The following PHF3 variants were observed in gnomAD, a reference collection of about 807,000 sequenced individuals.
The protein encoded by PHF3 is PHD finger protein 3.
PHF3 carries 41 observed loss-of-function variants against 178.4 expected under a neutral mutation model. The ratio of observed to expected loss-of-function variants is 0.23; its 90% CI spans 0.18 to 0.30. The LOEUF (loss-of-function observed/expected upper bound fraction) is 0.30. Ranked by LOEUF, PHF3 falls within the 10% of genes least tolerant of loss-of-function variation. The probability of loss-of-function intolerance (pLI) is 1.00; values close to 1 mark genes in which losing one functional copy is unlikely to be tolerated. For synonymous variants in PHF3, 842 were observed against 800.5 expected (o/e 1.05, Z -0.88); for missense variants, 2,346 against 2,398.1 (o/e 0.98, Z 0.45).
In PHF3 at chr6:63,679,950, T is replaced by G. The variant is rs766250928; in HGVS notation, c.245-50T>G. 6.8e-6 allele frequency: 10 copies of G among 1,474,644 alleles called. No homozygotes were observed. In the African/African-American group the frequency reaches 1.4e-4, roughly 20 times the overall value. 91.3% of individuals were successfully genotyped at this position (1,474,644 alleles called of 1,614,324 possible). Reference sequence around the variant, plus strand: ...ATTTTCTGTACTGCCTTTAATTGCCTAACATTCCCAATATTTTTAAAAGTT... The same window carrying G: ...ATTTTCTGTACTGCCTTTAATTGCCGAACATTCCCAATATTTTTAAAAGTT... On this transcript the variant is annotated intron_variant, in intron 2 of 15. Transcript: ENST00000262043.
At chr6:63,667,000 C>T (rs944537605) in intron 2 of PHF3, among the ~76,000 whole-genome samples, 3 of 152,076 alleles carry the variant, frequency 2.0e-5, no homozygotes, top group African/African-American at 7.2e-5. Flanking sequence ...GATCTGCCTG[C>T]CTTGGCCTCT....
rs1234555592 is a variant in PHF3 at position 63,718,014 on chromosome 6, G to C, written c.*4306G>C. Among the ~76,000 whole-genome samples the C allele has an allele frequency of 6.6e-6, 1 of 151,916 alleles. No homozygotes were observed. Among genetic ancestry groups the C allele is most frequent in the African/African-American group, 2.4e-5 (1 of 41,406 alleles). ...TCGTACTGGAAAAGCATTTCACATA[G>C]GAAATCGTCAACACCATTATCACCA... On this transcript the variant is annotated 3_prime_UTR_variant, in exon 16 of 16. Coordinates refer to ENST00000262043, the MANE Select transcript of PHF3 (RefSeq NM_001370348.2).
At chr6:63,672,917 A>G (rs935945831) in intron 2 of PHF3, among the ~76,000 whole-genome samples, 2 of 152,154 alleles carry the variant, frequency 1.3e-5, no homozygotes, top group Non-Finnish European at 1.5e-5. Context: ...CGATTTCTGT[A>G]TGTCACTTTC....
At position 63,721,045 on chromosome 6, in the gene PHF3, CAATT is replaced by C. The variant is rs1479785395; in HGVS notation, c.*7339_*7342del. 6.4e-7 allele frequency: 1 copy of C among 1,551,314 alleles called. No individual in the cohort carries two copies. On this transcript the variant is annotated 3_prime_UTR_variant, in exon 16 of 16. Transcript: ENST00000262043. ...TCATTTTGAGCTATTCCCATCCATA[CAATT>C]AGACCTTCTGTTTTAGTGGTACTGA... is the stretch of plus-strand genomic sequence containing the variant.
chr6:63,678,644 A>T (rs1451078497), intron 2 of PHF3, among the ~76,000 whole-genome samples: 1 of 151,994 alleles, frequency 6.6e-6, no homozygotes, highest in Non-Finnish European at 1.5e-5. Flanking sequence ...TTTGTTTCTA[A>T]CAAGGATCAC....
rs1162733195 is a variant in PHF3, at chr6:63,725,929, CTT to C, written c.*12223_*12224del. Among the ~76,000 whole-genome samples the C allele has an allele frequency of 3.3e-5, 5 of 152,054 alleles. No homozygotes were observed. Among genetic ancestry groups the C allele is most frequent in the African/African-American group, 7.2e-5 (3 of 41,424 alleles). On this transcript the variant is annotated 3_prime_UTR_variant, in exon 16 of 16. Transcript: ENST00000262043. ...GAGATGTAACTATATGTGCAGATGT[CTT>C]TGTCAGAATTTTGGAGAAATGAATG... is the stretch of plus-strand genomic sequence containing the variant.
intron 1 of PHF3, 45 bp downstream of exon 1, chr6:63,636,195 C>A (rs949025946): frequency 2.7e-6 from 1 of 370,652 alleles, no homozygotes. Context: ...GGCAATCCTC[C>A]CCTCCCCCAT....
chr6:63,694,908 T>G (rs1300912590), intron 6 of PHF3, 144 bp downstream of exon 6: 1 of 400,384 alleles, frequency 2.5e-6, no homozygotes, highest in Admixed American at 4.7e-5. Context: ...ATGGGTTAGG[T>G]GATTGGCCTT....
rs1768021261 is a variant in PHF3, at chr6:63,712,924, G to C, written c.5336G>C (p.Ser1779Thr). Residue 1779 changes from serine to threonine, a missense_variant, in exon 16 of 16, where the codon AGC (serine) becomes ACC (threonine). This residue lies in a region of PHF3 where 839 missense variants were observed against 806.9 expected (regional missense o/e 1.04). Coordinates refer to ENST00000262043, the MANE Select transcript of PHF3 (RefSeq NM_001370348.2). Reference sequence around the variant, plus strand: ...TGTCCATCAGAATTTCCTTCTAAAAGCATCACCTTTACTTCCAGAAGCACC... The same window carrying C: ...TGTCCATCAGAATTTCCTTCTAAAACCATCACCTTTACTTCCAGAAGCACC... Reference protein sequence around the residue: ...NTCPSEFPSKSITFTSRSTSP... With the variant: ...NTCPSEFPSKTITFTSRSTSP... The C allele has an allele frequency of 6.2e-7, 1 of 1,613,988 alleles. No homozygotes were observed. Among genetic ancestry groups the C allele is most frequent in the Non-Finnish European group, 8.5e-7 (1 of 1,179,956 alleles).
Position 63,713,219 on chromosome 6 carries a change from G to A in PHF3, c.5631G>A (p.Arg1877=), listed in dbSNP as rs1430955828. The change falls in exon 16 of 16, where the codon AGG becomes AGA. Residue 1877 remains arginine (R), a synonymous_variant. Transcript: ENST00000262043. ...RMMGPLSQAS[R]YIGPQNFYQV... ...TGGGTCCTCTCTCACAAGCATCAAG[G>A]TATATAGGCCCGCAGAATTTTTACC... The A allele has an allele frequency of 3.1e-6, 5 of 1,613,920 alleles. No individual in the cohort carries two copies. The highest frequency in any genetic ancestry group is 4.2e-6 in the Non-Finnish European group (5 of 1,179,988).
At chr6:63,640,294 G>C (rs902366672) in intron 1 of PHF3, among the ~76,000 whole-genome samples, 3 of 152,204 alleles carry the variant, frequency 2.0e-5, no homozygotes, top group Admixed American at 1.3e-4. Flanking sequence ...GATAACCCAT[G>C]ATTCATCTTT....
At chr6:63,702,385 C>T in intron 9 of PHF3, 123 bp from the exon 10 acceptor site, 1 of 595,704 alleles carries the variant, frequency 1.7e-6, no homozygotes, top group Admixed American at 3.2e-5. Context: ...TGAGACATTA[C>T]CTTAAGATTA....
chr6:63,636,315 A>G (rs1764332475), intron 1 of PHF3, among the ~76,000 whole-genome samples, 165 bp downstream of exon 1: 1 of 152,122 alleles, frequency 6.6e-6, no homozygotes, highest in Non-Finnish European at 1.5e-5. Context: ...CCTCTTGCGC[A>G]ACGTCCTCGG....
chr6:63,636,568 C>T (rs1764349780), intron 1 of PHF3: 1 of 152,210 alleles, frequency 6.6e-6, no homozygotes, highest in South Asian at 2.1e-4. Flanking sequence ...CCGTTGGGGC[C>T]TCTTCCTTCT....
intron 3 of PHF3, 139 bp downstream of exon 3, chr6:63,680,300 T>G: frequency 1.5e-6 from 1 of 673,026 alleles, no homozygotes. Flanking sequence ...AGTTTTGAGA[T>G]CATATCAATT....
At chr6:63,694,905 A>C in intron 6 of PHF3, 141 bp downstream of exon 6, 3 of 413,226 alleles carry the variant, frequency 7.3e-6, no homozygotes, top group Admixed American at 9.5e-5. Context: ...CAAATGGGTT[A>C]GGTGATTGGC....
At chr6:63,673,216 G>A (rs1209924654) in intron 2 of PHF3, among the ~76,000 whole-genome samples, 1 of 152,110 alleles carries the variant, frequency 6.6e-6, no homozygotes, top group African/African-American at 2.4e-5. Context: ...AAGCTCAAGT[G>A]TGGAGGTGCA....
chr6:63,698,220 T>A lies in PHF3; in HGVS notation c.2681-3T>A, dbSNP rs1767316513. On this transcript the variant is annotated splice_polypyrimidine_tract_variant and splice_region_variant and intron_variant, in intron 6 of 15. Transcript: ENST00000262043. ...AATGAGTTTCGATATTTATTCAAAT[T>A]AGGTACTCATGAGAAGCAAGAGATG... 5.0e-6 allele frequency: 8 copies of A among 1,601,478 alleles called. No homozygotes were observed. In the South Asian group the frequency reaches 9.0e-5, roughly 18 times the overall value.
Position 63,668,926 on chromosome 6 carries a change from A to G in PHF3, c.245-11074A>G, listed in dbSNP as rs1488911219. Reference sequence around the variant, plus strand: ...GTGTATAATTACAATCAATTTCAGTATAAGATTTCTTGATATGCAACTTCA... The same window carrying G: ...GTGTATAATTACAATCAATTTCAGTGTAAGATTTCTTGATATGCAACTTCA... On this transcript the variant is annotated intron_variant, in intron 2 of 15. Coordinates refer to ENST00000262043, the MANE Select transcript of PHF3 (RefSeq NM_001370348.2). 3.3e-5 allele frequency among the ~76,000 whole-genome samples: 5 copies of G among 152,196 alleles called. No individual in the cohort carries two copies. In the East Asian group the frequency reaches 5.8e-4, roughly 18 times the overall value.
Sources: allele counts gnomAD v4.1 joint callset (sites outside exome capture counted in the v4.1 genomes callset), GRCh38; gene constraint gnomAD v4.1.1; regional missense constraint gnomAD v4.1.1; transcripts MANE v1.5; gene names NCBI Gene and HGNC (gene_info 2026-07-23, HGNC 2026-07-21).